Variants in DGKI observed in about 807,000 individuals in gnomAD.
DGKI encodes DAG kinase iota.
Under a neutral mutation model 147.5 loss-of-function variants are expected in DGKI, and 55 were observed. The ratio of observed to expected loss-of-function variants is 0.37; its 90% confidence interval spans 0.30 to 0.47. The LOEUF (loss-of-function observed/expected upper bound fraction) is 0.47, where lower values mean the gene tolerates loss of function less well. DGKI is among the 20% of genes least tolerant of loss of function. DGKI has a pLI of 1.00. For synonymous variants in DGKI, 469 were observed against 477.1 expected (o/e 0.98, Z 0.22); for missense variants, 1,007 against 1,323.8 (o/e 0.76, Z 3.71).
intron 21 of DGKI, among the ~76,000 whole-genome samples, chr7:137,519,484 A>C (rs1816890972): frequency 6.6e-6 from 1 of 152,078 alleles, no homozygotes; most frequent in Admixed American, 6.6e-5. Flanking sequence ...TGATGACAAT[A>C]AATGAATGAC....
intron 1 of DGKI, among the ~76,000 whole-genome samples, chr7:137,728,796 C>T (rs945066791): frequency 2.0e-5 from 3 of 152,106 alleles, no homozygotes; most frequent in Admixed American, 2.0e-4. Context: ...TATTTTTAAT[C>T]ACATGAAAGT....
At chr7:137,497,438 G>A (rs1315947638) in intron 21 of DGKI, among the ~76,000 whole-genome samples, 2 of 151,976 alleles carry the variant, frequency 1.3e-5, no homozygotes, top group African/African-American at 4.8e-5. Context: ...TCTCACTATT[G>A]GGTATATACC....
chr7:137,614,227 T>A (rs540453657), intron 8 of DGKI, among the ~76,000 whole-genome samples: 1 of 152,242 alleles, frequency 6.6e-6, no homozygotes, highest in South Asian at 2.1e-4. Context: ...AGCAGCCCAG[T>A]GAGATTCATG....
At position 137,585,216 on chromosome 7, in the gene DGKI, A is replaced by G. The variant is rs1213560237; in HGVS notation, c.1556T>C (p.Val519Ala). ...DLPPEELEDG[V>A]CKLPLNVFNN... is the part of the protein sequence containing the mutation. Reference sequence around the variant, plus strand: ...AACAAAAAACTCTCTAACCTTACATACGCCATCTTCAAGTTCTTCTGGAGG... The same window carrying G: ...AACAAAAAACTCTCTAACCTTACATGCGCCATCTTCAAGTTCTTCTGGAGG... The change falls in exon 14 of 33, where the codon GTA becomes GCA. Residue 519 changes from valine to alanine, a missense_variant. By Grantham distance (64) the Val-to-Ala change is moderately conservative (BLOSUM62 0). Transcript: ENST00000614521. The G allele has an allele frequency of 1.9e-6, 3 of 1,614,092 alleles. No individual in the cohort carries two copies. The Admixed American group carries it at 5.0e-5, about 27-fold the overall frequency.
In DGKI at chr7:137,722,777, T is replaced by C. The variant is rs1038688707; in HGVS notation, c.402-32775A>G. ...CAAATTTTACCAAAAATCAAAGCTA[T>C]TCCTCAGCTCCAGGGCTACCTGTGA... On this transcript the variant is annotated intron_variant, in intron 1 of 32. Coordinates refer to ENST00000614521, the MANE Select transcript of DGKI (RefSeq NM_001321708.2). The C allele has an allele frequency of 1.0e-5, 14 of 1,400,128 alleles. No individual in the cohort carries two copies. In the African/African-American group the frequency reaches 1.6e-4, roughly 16 times the overall value. The allele number at this position is 1,400,128 out of a possible 1,614,324, so 86.7% of individuals were successfully genotyped here.
chr7:137,505,162 A>T (rs887237058), intron 21 of DGKI, among the ~76,000 whole-genome samples: 10 of 152,150 alleles, frequency 6.6e-5, no homozygotes, highest in Admixed American at 4.6e-4. Flanking sequence ...AAGAAAAAAC[A>T]AAAAGAAAAC....
intron 1 of DGKI, among the ~76,000 whole-genome samples, chr7:137,730,479 T>C (rs1054068878): frequency 2.6e-5 from 4 of 152,120 alleles, no homozygotes; most frequent in African/African-American, 9.7e-5. Flanking sequence ...TACTGGTTTA[T>C]TCCTGGATCT....
At chr7:137,706,832 A>G (rs1585392640) in intron 1 of DGKI, among the ~76,000 whole-genome samples, 2 of 152,130 alleles carry the variant, frequency 1.3e-5, no homozygotes, top group East Asian at 3.9e-4. Flanking sequence ...TCGGCCTCCC[A>G]TAGTGCTGGG....
At chr7:137,508,948 C>T (rs1816473701) in intron 21 of DGKI, among the ~76,000 whole-genome samples, 1 of 152,018 alleles carries the variant, frequency 6.6e-6, no homozygotes, top group African/African-American at 2.4e-5. Flanking sequence ...TCATAGCATT[C>T]ACATTACTCA....
At chr7:137,551,009 T>G (rs1370501108) in intron 20 of DGKI, among the ~76,000 whole-genome samples, 1 of 152,032 alleles carries the variant, frequency 6.6e-6, no homozygotes, top group East Asian at 1.9e-4. Context: ...TTTAACCTGA[T>G]AGAAGGTAAA....
chr7:137,473,914 T>C (rs1815075758), intron 23 of DGKI, among the ~76,000 whole-genome samples: 1 of 152,206 alleles, frequency 6.6e-6, no homozygotes, highest in South Asian at 2.1e-4. Context: ...TTTTAACAAT[T>C]GGATACTTTC....
chr7:137,608,926 A>T, intron 10 of DGKI, 40 bp downstream of exon 10: 1 of 1,497,420 alleles, frequency 6.7e-7, no homozygotes, highest in Non-Finnish European at 9.3e-7. Flanking sequence ...TCAAGAAATT[A>T]TCAAAACTTC....
chr7:137,722,332 T>C, intron 1 of DGKI: 2 of 1,612,654 alleles, frequency 1.2e-6, no homozygotes, highest in Middle Eastern at 1.7e-4. Flanking sequence ...GCCTAGATAT[T>C]ATCCTACTGA....
chr7:137,684,164 A>G (rs1823335664), intron 2 of DGKI, among the ~76,000 whole-genome samples: 1 of 152,264 alleles, frequency 6.6e-6, no homozygotes, highest in African/African-American at 2.4e-5. Context: ...AATTGATAAC[A>G]CACCATGTTG....
chr7:137,437,659 C>A (rs1035617), intron 28 of DGKI, among the ~76,000 whole-genome samples: 71,742 of 151,850 alleles, frequency 0.47, 18,538 homozygotes, highest in East Asian at 0.74. Flanking sequence ...ATGAAACAGG[C>A]AAAACTCAAT....
chr7:137,566,458 T>C (rs1163158090), intron 19 of DGKI, among the ~76,000 whole-genome samples: 4 of 152,048 alleles, frequency 2.6e-5, no homozygotes, highest in Non-Finnish European at 5.9e-5. Context: ...AGTATACATT[T>C]AGAGGTCATA....
intron 3 of DGKI, among the ~76,000 whole-genome samples, chr7:137,657,499 G>A (rs1356083733): frequency 1.3e-5 from 2 of 152,220 alleles, no homozygotes; most frequent in Non-Finnish European, 2.9e-5. Flanking sequence ...TACATTTCAT[G>A]ACTGCCAGTG....
intron 1 of DGKI, chr7:137,722,014 G>C: frequency 6.3e-7 from 1 of 1,580,128 alleles, no homozygotes; most frequent in Non-Finnish European, 8.5e-7. Context: ...TGAGAAGCCA[G>C]ATACTAAAGA....
chr7:137,762,774 C>A (rs1563186198), intron 1 of DGKI, among the ~76,000 whole-genome samples: 1 of 152,190 alleles, frequency 6.6e-6, no homozygotes, highest in Non-Finnish European at 1.5e-5. Flanking sequence ...CCGGGGCTGA[C>A]CTCCACCAAA....
Sources: allele counts gnomAD v4.1 joint callset (sites outside exome capture counted in the v4.1 genomes callset), GRCh38; gene constraint gnomAD v4.1.1; transcripts MANE v1.5; gene names NCBI Gene and HGNC (gene_info 2026-07-23, HGNC 2026-07-21).